Variants in DYNC1H1 observed in about 807,000 individuals in gnomAD.
The protein encoded by DYNC1H1 is cytoplasmic dynein 1 heavy chain 1.
A neutral mutation model predicts 527.1 loss-of-function variants in DYNC1H1; 51 were observed. The observed-to-expected ratio is 0.10, with a 90% CI of 0.08 to 0.12. The LOEUF is 0.12. Ranked by LOEUF, DYNC1H1 falls within the 10% of genes least tolerant of loss-of-function variation. The pLI is 1.00. For synonymous variants in DYNC1H1, 2,189 were observed against 2,278.8 expected (o/e 0.96, Z 1.12); for missense variants, 2,771 against 5,971.8 (o/e 0.46, Z 17.66).
intron 1 of DYNC1H1, among the ~76,000 whole-genome samples, chr14:101,969,078 C>T (rs2047699436): frequency 6.6e-6 from 1 of 151,882 alleles, no homozygotes; most frequent in Non-Finnish European, 1.5e-5. Flanking sequence ...AGTGCAGTGG[C>T]ACGATCTCAG....
intron 77 of DYNC1H1, 40 bp downstream of exon 77, chr14:102,050,238 C>T: frequency 6.2e-7 from 1 of 1,613,680 alleles, no homozygotes; most frequent in Non-Finnish European, 8.5e-7. Context: ...CTGCAGGGAC[C>T]CCTGCGGTAA....
In DYNC1H1 at chr14:101,994,828, A is replaced by G. The variant is rs1423371825; in HGVS notation, c.3312A>G (p.Pro1104=). ...CAGAAACCAAGAAAGAGTTTGGACCAGTAGTTATAGATTATGGCAAGGTGA... is the reference window on the plus strand; with the variant it reads ...CAGAAACCAAGAAAGAGTTTGGACCGGTAGTTATAGATTATGGCAAGGTGA... ...DNAETKKEFG[P]VVIDYGKVQS... The change falls in exon 13 of 78, where the codon CCA becomes CCG. Residue 1104 remains proline (P), a synonymous_variant. Coordinates refer to ENST00000360184, the MANE Select transcript of DYNC1H1 (RefSeq NM_001376.5). 5 of 1,614,128 alleles carry G rather than the reference A, an allele frequency of 3.1e-6. No individual in the cohort carries two copies. Among genetic ancestry groups the G allele is most frequent in the African/African-American group, 2.7e-5 (2 of 74,950 alleles).
At chr14:101,991,914 A>T (rs990915693) in intron 11 of DYNC1H1, among the ~76,000 whole-genome samples, 23 of 151,934 alleles carry the variant, frequency 1.5e-4, no homozygotes, top group Non-Finnish European at 2.8e-4. Flanking sequence ...ATCTTTGGGA[A>T]TCTCAATTCC....
rs2048329586 is a variant in DYNC1H1 at position 102,016,877 on chromosome 14, C to T, written c.7726C>T (p.Arg2576Cys). The T allele has an allele frequency of 1.2e-6, 2 of 1,614,196 alleles. No homozygotes were observed. The highest frequency in any genetic ancestry group is 1.7e-6 in the Non-Finnish European group (2 of 1,180,056). The change falls in exon 38 of 78, where the codon CGC becomes TGC. Residue 2576 changes from arginine to cysteine, a missense_variant. Arg to Cys is a radical substitution (Grantham distance 180, BLOSUM62 -3). Transcript: ENST00000360184. The surrounding 1 kb of genome is among the most constrained non-coding windows in gnomAD (Gnocchi z 7.3). The stretch of plus-strand genomic sequence containing the variant: ...CGTCGTGCCAACGCTGGACACAGTC[C>T]GCCACGAAGCCCTCTTGTACACTTG... ...DVVVPTLDTVRHEALLYTWLA... is the reference protein window; with the variant it reads ...DVVVPTLDTVCHEALLYTWLA...
chr14:101,969,618 C>T (rs180719588), intron 1 of DYNC1H1: 1 of 152,568 alleles, frequency 6.6e-6, no homozygotes, highest in African/African-American at 2.4e-5. Context: ...CGTGTTTGTA[C>T]CAGGGGCCTC....
chr14:102,044,951 G>T lies in DYNC1H1; in HGVS notation c.13006+253G>T, dbSNP rs569305121. The stretch of plus-strand genomic sequence containing the variant: ...GCATCAACTCAGTTCTAGAGAAAAG[G>T]CTTGATATTTATGTAAATGAGCCTA... On this transcript the variant is annotated intron_variant, in intron 72 of 77. Transcript: ENST00000360184. This position sits in a 1 kb window ranked among gnomAD's most constrained non-coding sequence, Gnocchi z 7.1. The T allele has an allele frequency of 1.3e-5, 7 of 559,578 alleles. No homozygotes were observed. Among genetic ancestry groups the T allele is most frequent in the Non-Finnish European group, 2.2e-5 (7 of 311,714 alleles). 34.7% of individuals were successfully genotyped at this position (559,578 alleles called of 1,614,324 possible). A position where few individuals can be genotyped will look rare whatever the true frequency, so the allele number is the denominator to read the frequency against.
rs1567022785 is a variant in DYNC1H1, at chr14:102,042,667, C to T, written c.12432C>T (p.Ile4144=). The T allele has an allele frequency of 6.2e-7, 1 of 1,614,150 alleles. No homozygotes were observed. Residue 4144 remains isoleucine, a synonymous_variant, in exon 69 of 78, where the codon ATC becomes ATT. Coordinates refer to ENST00000360184, the MANE Select transcript of DYNC1H1 (RefSeq NM_001376.5). This position sits in a 1 kb window ranked among gnomAD's most constrained non-coding sequence, Gnocchi z 5.7. ...TGAATCTGCTCCGTGCGGGCCGCATCTTTGTGTTCGAGCCACCGCCAGGGG... is the reference window on the plus strand; with the variant it reads ...TGAATCTGCTCCGTGCGGGCCGCATTTTTGTGTTCGAGCCACCGCCAGGGG... ...VPVNLLRAGR[I]FVFEPPPGVK...
chr14:101,976,312 G>A (rs1053635473), intron 2 of DYNC1H1, among the ~76,000 whole-genome samples: 1 of 151,576 alleles, frequency 6.6e-6, no homozygotes, highest in Non-Finnish European at 1.5e-5. Context: ...GGAGGCTGAG[G>A]TGGGCAGATC....
chr14:102,040,537 C>A, intron 63 of DYNC1H1, 61 bp from the exon 64 acceptor site: 1 of 1,611,896 alleles, frequency 6.2e-7, no homozygotes, highest in Middle Eastern at 1.7e-4. Context: ...CTCGCTCAGT[C>A]GTGGGTTCTG....
rs1487315030 is a variant in DYNC1H1, at chr14:102,001,310, C to T, written c.4351C>T (p.Leu1451Phe). 4 of 1,614,194 alleles carry T rather than the reference C, an allele frequency of 2.5e-6. No individual in the cohort carries two copies. Among genetic ancestry groups the T allele is most frequent in the Non-Finnish European group, 3.4e-6 (4 of 1,180,048 alleles). The stretch of plus-strand genomic sequence containing the variant: ...TGAAGCGATTGTCAAGGATGTACTG[C>T]TTGTGGCACAAGGGGAGATGGCTTT... ...KNEAIVKDVL[L>F]VAQGEMALEE... is the part of the protein sequence containing the mutation. Residue 1451 changes from leucine to phenylalanine, a missense_variant, in exon 20 of 78, where the codon CTT (leucine) becomes TTT (phenylalanine). Physicochemically the swap from Leu to Phe is conservative, Grantham distance 22 (BLOSUM62 0). Coordinates refer to ENST00000360184, the MANE Select transcript of DYNC1H1 (RefSeq NM_001376.5). This position sits in a 1 kb window ranked among gnomAD's most constrained non-coding sequence, Gnocchi z 5.0.
rs2048244190 is a variant in DYNC1H1, at chr14:102,010,360, T to C, written c.6306T>C (p.Asn2102=). The change falls in exon 31 of 78, where the codon AAT becomes AAC. Residue 2102 remains asparagine (N), a synonymous_variant. Coordinates refer to ENST00000360184, the MANE Select transcript of DYNC1H1 (RefSeq NM_001376.5). This position sits in a 1 kb window ranked among gnomAD's most constrained non-coding sequence, Gnocchi z 6.0. Reference sequence around the variant, plus strand: ...AGAGTGTGCTGGTGAGTGCAGGCAATGTGAAGAGAGAGAGAATCCAGAAGA... The same window carrying C: ...AGAGTGTGCTGGTGAGTGCAGGCAACGTGAAGAGAGAGAGAATCCAGAAGA... ...ALKSVLVSAG[N]VKRERIQKIK... is the part of the protein sequence containing the mutation. 6.2e-7 allele frequency: 1 copy of C among 1,613,774 alleles called. No individual in the cohort carries two copies. The highest frequency in any genetic ancestry group is 1.3e-5 in the African/African-American group (1 of 74,816).
Position 101,980,444 on chromosome 14 carries a change from A to T in DYNC1H1, c.855A>T (p.Leu285Phe). The change falls in exon 5 of 78, where the codon TTA becomes TTT. Residue 285 changes from leucine (L) to phenylalanine (F), a missense_variant. Physicochemically the swap from Leu to Phe is conservative, Grantham distance 22 (BLOSUM62 0). Around this residue, in one of 32 missense-constraint regions of DYNC1H1, gnomAD observed 146 missense variants for 288.1 expected, o/e 0.51. Transcript: ENST00000360184. Reference protein sequence around the residue: ...ISFWLNLERALYRIQEKRESP... With the variant: ...ISFWLNLERAFYRIQEKRESP... ...TTTGGCTAAACTTGGAACGTGCGTT[A>T]TACCGCATCCAGGAGAAACGGGAGA... is the stretch of plus-strand genomic sequence containing the variant. The T allele has an allele frequency of 6.2e-7, 1 of 1,614,266 alleles. No homozygotes were observed. Among genetic ancestry groups the T allele is most frequent in the Non-Finnish European group, 8.5e-7 (1 of 1,180,048 alleles).
At position 102,053,417 on chromosome 14, in the gene DYNC1H1, A is replaced by G. The variant is rs796685738; in HGVS notation, c.*2854A>G. On this transcript the variant is annotated 3_prime_UTR_variant, in exon 78 of 78. Transcript: ENST00000360184. Reference sequence around the variant, plus strand: ...GCTGGGATTACAGGTGTGAGCCACCACGCCTGGCCGAATTTTTATTTGTTT... The same window carrying G: ...GCTGGGATTACAGGTGTGAGCCACCGCGCCTGGCCGAATTTTTATTTGTTT... 1.2e-4 allele frequency: 18 copies of G among 151,028 alleles called. No homozygotes were observed. Among genetic ancestry groups the G allele is most frequent in the African/African-American group, 4.4e-4 (18 of 41,068 alleles). The allele number at this position is 151,028 out of a possible 1,614,324, so 9.4% of individuals were successfully genotyped here.
Position 102,039,594 on chromosome 14 carries a change from C to T in DYNC1H1, c.11596-44C>T. 2 of 1,614,192 alleles carry T rather than the reference C, an allele frequency of 1.2e-6. No homozygotes were observed. The highest frequency in any genetic ancestry group is 8.5e-7 in the Non-Finnish European group (1 of 1,180,032). ...TCCCTGGCGGGGGGGAAGCAGGGTG[C>T]TGCTTCTCTTATGGAACAACATCGT... On this transcript the variant is annotated intron_variant, in intron 61 of 77. Coordinates refer to ENST00000360184, the MANE Select transcript of DYNC1H1 (RefSeq NM_001376.5). This position sits in a 1 kb window ranked among gnomAD's most constrained non-coding sequence, Gnocchi z 7.0.
rs1029661311 is a variant in DYNC1H1, at chr14:102,011,767, AT to A, written c.6619-107del. 4 of 1,234,636 alleles carry A rather than the reference AT, an allele frequency of 3.2e-6. No individual in the cohort carries two copies. The highest frequency in any genetic ancestry group is 4.7e-6 in the Non-Finnish European group (4 of 859,274). The allele number at this position is 1,234,636 out of a possible 1,614,324, so 76.5% of individuals were successfully genotyped here. On this transcript the variant is annotated intron_variant, in intron 32 of 77. Transcript: ENST00000360184. The surrounding 1 kb of genome is among the most constrained non-coding windows in gnomAD (Gnocchi z 5.3). ...ACTCCGTTTCAGGAAAAAAAAAAAA[AT>A]CCACACATAATGTTTCTTGCTCACT...
At chr14:101,981,758 G>T (rs1469520217) in intron 5 of DYNC1H1, among the ~76,000 whole-genome samples, 2 of 152,010 alleles carry the variant, frequency 1.3e-5, no homozygotes, top group Non-Finnish European at 2.9e-5. Flanking sequence ...TGAAACTTTT[G>T]TTTTTTTCCT....
At chr14:102,022,918 C>G in intron 43 of DYNC1H1, 38 bp downstream of exon 43, 1 of 1,613,816 alleles carries the variant, frequency 6.2e-7, no homozygotes, top group Non-Finnish European at 8.5e-7. Context: ...ACTTCTTTTT[C>G]TGCCATCCCT....
At position 102,027,181 on chromosome 14, in the gene DYNC1H1, C is replaced by T. The variant is rs2152588919; in HGVS notation, c.8779C>T (p.Arg2927Cys). ...GTTCTCGTAATGTTTCAGAATATTC[C>T]GTCAACCTCAAGGCCACTTGCTTCT... is the stretch of plus-strand genomic sequence containing the variant. ...DHVLRIDRIF[R>C]QPQGHLLLIG... The change falls in exon 45 of 78, where the codon CGT becomes TGT. Residue 2927 changes from arginine (R) to cysteine (C), a missense_variant. By Grantham distance (180) the Arg-to-Cys change is radical. Around this residue, in one of 32 missense-constraint regions of DYNC1H1, gnomAD observed 84 missense variants for 285.4 expected, o/e 0.29. Coordinates refer to ENST00000360184, the MANE Select transcript of DYNC1H1 (RefSeq NM_001376.5). This position sits in a 1 kb window ranked among gnomAD's most constrained non-coding sequence, Gnocchi z 7.7. The T allele has an allele frequency of 3.7e-6, 6 of 1,613,960 alleles. No individual in the cohort carries two copies. Among genetic ancestry groups the T allele is most frequent in the Non-Finnish European group, 4.2e-6 (5 of 1,179,952 alleles).
Position 102,011,855 on chromosome 14 carries a change from T to A in DYNC1H1, c.6619-20T>A. On this transcript the variant is annotated intron_variant, in intron 32 of 77. Coordinates refer to ENST00000360184, the MANE Select transcript of DYNC1H1 (RefSeq NM_001376.5). The surrounding 1 kb of genome is among the most constrained non-coding windows in gnomAD (Gnocchi z 5.3). The stretch of plus-strand genomic sequence containing the variant: ...TCCTCCTCTGGGATGGTCACTGTGC[T>A]GGTCTGTTGGGCCCTGCAGGTTCTC... 5 of 1,613,160 alleles carry A rather than the reference T, an allele frequency of 3.1e-6. No individual in the cohort carries two copies. The highest frequency in any genetic ancestry group is 4.2e-6 in the Non-Finnish European group (5 of 1,179,258).
Sources: allele counts gnomAD v4.1 joint callset (sites outside exome capture counted in the v4.1 genomes callset), GRCh38; gene constraint gnomAD v4.1.1; regional missense constraint gnomAD v4.1.1; non-coding constraint Gnocchi (gnomAD v3.1); transcripts MANE v1.5; gene names NCBI Gene and HGNC (gene_info 2026-07-23, HGNC 2026-07-21).